The following ATL1 variants were observed in gnomAD, a reference collection of about 807,000 sequenced individuals.
The protein encoded by ATL1 is atlastin GTPase 1.
ATL1 carries 31 observed loss-of-function variants against 75.5 expected under a neutral mutation model. The observed-to-expected ratio is 0.41, with a 90% CI of 0.31 to 0.55. ATL1 has a LOEUF of 0.55. Among genes scored for constraint, ATL1 ranks in the 20% least tolerant of loss-of-function variants. The pLI is 0.27. For synonymous variants in ATL1, 226 were observed against 233.3 expected (o/e 0.97, Z 0.28); for missense variants, 405 against 662.6 (o/e 0.61, Z 4.27).
upstream of ATL1, among the ~76,000 whole-genome samples, chr14:50,555,422 C>T (rs1319160791): frequency 1.3e-5 from 2 of 152,180 alleles, no homozygotes; most frequent in East Asian, 1.9e-4. Flanking sequence ...GCTGGGACTA[C>T]AGGTGCACGC....
At chr14:50,595,265 C>T (rs562967723) in intron 5 of ATL1, among the ~76,000 whole-genome samples, 1 of 152,092 alleles carries the variant, frequency 6.6e-6, no homozygotes, top group East Asian at 1.9e-4. Context: ...AATTAACCCA[C>T]ATTCTAGATA....
chr14:50,614,170 A>G (rs1261442716), intron 7 of ATL1, among the ~76,000 whole-genome samples: 1 of 152,046 alleles, frequency 6.6e-6, no homozygotes, highest in African/African-American at 2.4e-5. Flanking sequence ...GTTAATTAAA[A>G]CTATGCCATG....
intron 10 of ATL1, among the ~76,000 whole-genome samples, chr14:50,622,101 T>C (rs909047394): frequency 1.3e-5 from 2 of 152,252 alleles, no homozygotes; most frequent in African/African-American, 4.8e-5. Flanking sequence ...ACACAAACAC[T>C]TTATACCAAA....
intron 1 of ATL1, among the ~76,000 whole-genome samples, chr14:50,545,888 G>A (rs1200906632): frequency 6.6e-6 from 1 of 152,192 alleles, no homozygotes; most frequent in Non-Finnish European, 1.5e-5. Flanking sequence ...CCAAATTACA[G>A]CAAGAAAAAT....
intron 5 of ATL1, among the ~76,000 whole-genome samples, chr14:50,595,131 C>G (rs2039202117): frequency 6.6e-6 from 1 of 151,912 alleles, no homozygotes; most frequent in South Asian, 2.1e-4. Flanking sequence ...ATTAAATTTC[C>G]TTAGGCAACA....
chr14:50,617,977 C>T (rs1004867389), intron 8 of ATL1, among the ~76,000 whole-genome samples: 2 of 152,204 alleles, frequency 1.3e-5, no homozygotes, highest in Non-Finnish European at 2.9e-5. Context: ...CATCTTCAGA[C>T]ACATTTTTAA....
rs200056004 is a variant in ATL1 at position 50,616,455 on chromosome 14, GTTATTTATTTAT to G, written c.862+1983_862+1994del. Among the ~76,000 whole-genome samples, 1,238 of 141,300 alleles carry G rather than the reference GTTATTTATTTAT, an allele frequency of 8.8e-3. 7 individuals are homozygous for G. Among genetic ancestry groups the G allele is most frequent in the African/African-American group, 0.023 (872 of 38,428 alleles). 92.7% of individuals were successfully genotyped at this position (141,300 alleles called of 152,430 possible). On this transcript the variant is annotated intron_variant, in intron 8 of 13. Coordinates refer to ENST00000358385, the MANE Select transcript of ATL1 (RefSeq NM_015915.5). ...CTACAGGAGTGTGCCACCATGCCCGGTTATTTATTTATTTATTTATTTATTTATTTATTTATT... is the reference window on the plus strand; with the variant it reads ...CTACAGGAGTGTGCCACCATGCCCGGTTATTTATTTATTTATTTATTTATT...
intron 6 of ATL1, among the ~76,000 whole-genome samples, chr14:50,608,018 T>G (rs1042967123): frequency 6.6e-6 from 1 of 152,096 alleles, no homozygotes; most frequent in Non-Finnish European, 1.5e-5. Flanking sequence ...CTAATAAAAT[T>G]TGTCATGATT....
chr14:50,552,867 G>A (rs1216239676), intron 1 of ATL1, among the ~76,000 whole-genome samples: 1 of 152,072 alleles, frequency 6.6e-6, no homozygotes, highest in Non-Finnish European at 1.5e-5. Context: ...AACTCAAGAT[G>A]GATCAAAGAC....
At chr14:50,590,767 T>C (rs975274845) in intron 2 of ATL1, among the ~76,000 whole-genome samples, 174 bp from the exon 3 acceptor site, 1 of 152,314 alleles carries the variant, frequency 6.6e-6, no homozygotes, top group African/African-American at 2.4e-5. Flanking sequence ...TGGCAGATGG[T>C]TGCTCCTCTG....
chr14:50,618,777 A>G (rs2039437339), intron 8 of ATL1, among the ~76,000 whole-genome samples: 1 of 152,030 alleles, frequency 6.6e-6, no homozygotes, highest in Non-Finnish European at 1.5e-5. Context: ...CAGTTACTGA[A>G]TTTACTTAGA....
chr14:50,602,831 T>C (rs1025889113), intron 6 of ATL1, among the ~76,000 whole-genome samples: 2 of 152,086 alleles, frequency 1.3e-5, no homozygotes, highest in African/African-American at 4.8e-5. Context: ...CCTTGATGAT[T>C]GATGCAGAAG....
chr14:50,596,866 T>G (rs1426174733), intron 6 of ATL1, among the ~76,000 whole-genome samples: 3 of 151,982 alleles, frequency 2.0e-5, no homozygotes, highest in African/African-American at 7.3e-5. Flanking sequence ...CATAAAAGTT[T>G]TATATTAGAG....
At chr14:50,579,700 C>G (rs989089127) in intron 1 of ATL1, among the ~76,000 whole-genome samples, 11 of 152,134 alleles carry the variant, frequency 7.2e-5, no homozygotes, top group Non-Finnish European at 7.4e-5. Context: ...AAATGTCTTT[C>G]ATTAGATTTC....
intron 13 of ATL1, chr14:50,630,928 A>G (rs1382846344): frequency 6.6e-6 from 3 of 455,820 alleles, no homozygotes; most frequent in Non-Finnish European, 1.3e-5. Flanking sequence ...ATATACATTC[A>G]CAGATCTGAA....
chr14:50,577,440 T>C (rs2039016782), intron 1 of ATL1, among the ~76,000 whole-genome samples: 1 of 152,240 alleles, frequency 6.6e-6, no homozygotes, highest in South Asian at 2.1e-4. Context: ...TTTTCGGTTT[T>C]GTTATTTTAC....
intron 1 of ATL1, among the ~76,000 whole-genome samples, chr14:50,582,401 A>G (rs964910703): frequency 6.6e-6 from 1 of 151,364 alleles, no homozygotes; most frequent in African/African-American, 2.4e-5. Context: ...TTTTATTACA[A>G]ACTTTTCTCT....
intron 1 of ATL1, among the ~76,000 whole-genome samples, chr14:50,539,952 A>G (rs1385628196): frequency 6.6e-6 from 1 of 152,106 alleles, no homozygotes; most frequent in Non-Finnish European, 1.5e-5. Context: ...CATTCTGCTT[A>G]GTCAAACTCT....
At chr14:50,623,002 A>G (rs2039482538) in intron 10 of ATL1, among the ~76,000 whole-genome samples, 175 bp from the exon 11 acceptor site, 1 of 152,214 alleles carries the variant, frequency 6.6e-6, no homozygotes, top group South Asian at 2.1e-4. Context: ...GCATTTTTGA[A>G]ACTTTTGTAC....
Sources: allele counts gnomAD v4.1 joint callset (sites outside exome capture counted in the v4.1 genomes callset), GRCh38; gene constraint gnomAD v4.1.1; transcripts MANE v1.5; gene names NCBI Gene and HGNC (gene_info 2026-07-23, HGNC 2026-07-21).